Variants in DNAAF5 observed in about 807,000 individuals in gnomAD.
DNAAF5 encodes the protein dynein axonemal assembly factor 5.
Under a neutral mutation model 75.8 loss-of-function variants are expected in DNAAF5, and 64 were observed. The observed-to-expected ratio is 0.84, with a 90% CI of 0.69 to 1.04. The LOEUF (loss-of-function observed/expected upper bound fraction) is 1.04, where lower values mean the gene tolerates loss of function less well. DNAAF5 is among the 50% of genes least tolerant of loss of function. DNAAF5 has a pLI of 0.00. For synonymous variants in DNAAF5, 657 were observed against 557.2 expected, an observed-to-expected ratio of 1.18 and a Z score of -2.52; for missense variants, 1,269 against 1,178.5, an observed-to-expected ratio of 1.08 and a Z score of -1.12.
At position 729,623 on chromosome 7, in the gene DNAAF5, G is replaced by T. The variant is rs1486363485; in HGVS notation, c.596-40G>T. 1.9e-6 allele frequency: 3 copies of T among 1,588,258 alleles called. No individual in the cohort carries two copies. The African/African-American group carries it at 4.0e-5, about 21-fold the overall frequency. On this transcript the variant is annotated intron_variant, in intron 1 of 12. Coordinates refer to ENST00000297440, the MANE Select transcript of DNAAF5 (RefSeq NM_017802.4). ...GCCCACAGAGCTGGGCGAGGCGTGT[G>T]GGAGCAGCTCTGGTAACTGGGGGCC...
intron 12 of DNAAF5, among the ~76,000 whole-genome samples, chr7:783,777 C>T (rs968831973): frequency 1.3e-5 from 2 of 152,122 alleles, no homozygotes; most frequent in African/African-American, 4.8e-5. Flanking sequence ...GCTCTCCTGT[C>T]CTGCACTACA....
At chr7:731,046 G>T (rs531177277) in intron 2 of DNAAF5, among the ~76,000 whole-genome samples, 68 of 152,316 alleles carry the variant, frequency 4.5e-4, no homozygotes, top group African/African-American at 1.6e-3. Context: ...GCAGTTCAAG[G>T]GGCCAGGGCA....
chr7:778,275 G>C (rs1049640706), intron 11 of DNAAF5: 4 of 152,204 alleles, frequency 2.6e-5, no homozygotes, highest in Admixed American at 6.5e-5. Flanking sequence ...GGGCATCTGG[G>C]CCACGGCCCC....
intron 2 of DNAAF5, 104 bp downstream of exon 2, chr7:729,951 G>A (rs1781514400): frequency 4.6e-6 from 5 of 1,079,112 alleles, no homozygotes; most frequent in African/African-American, 1.6e-5. Flanking sequence ...AGTGCTGTAT[G>A]CACCAAATGT....
At position 785,541 on chromosome 7, in the gene DNAAF5, T is replaced by C. The variant is rs1287337441; in HGVS notation, c.2456T>C (p.Leu819Pro). The C allele has an allele frequency of 6.2e-7, 1 of 1,613,674 alleles. No individual in the cohort carries two copies. The highest frequency in any genetic ancestry group is 2.2e-5 in the East Asian group (1 of 44,894). Reference protein sequence around the residue: ...ILEVLKEGSGLFPDLLVRETE... With the variant: ...ILEVLKEGSGPFPDLLVRETE... ...GAGGTCCTCAAAGAGGGCAGCGGGC[T>C]GTTCCCAGATCTCCTGGTGAGGGAG... The change falls in exon 13 of 13, where the codon CTG becomes CCG. Residue 819 changes from leucine (L) to proline (P), a missense_variant. Transcript: ENST00000297440.
At chr7:775,596 AC>A (rs1368841894) in intron 11 of DNAAF5, among the ~76,000 whole-genome samples, 3 of 152,182 alleles carry the variant, frequency 2.0e-5, no homozygotes, top group Non-Finnish European at 4.4e-5. Context: ...ATTTGTACTT[AC>A]ATTTGCATAT....
chr7:763,501 C>T (rs751285456), intron 7 of DNAAF5, among the ~76,000 whole-genome samples: 4 of 152,226 alleles, frequency 2.6e-5, no homozygotes, highest in Non-Finnish European at 5.9e-5. Flanking sequence ...CCCAGGCGGA[C>T]ACCACGTCCG....
chr7:768,822 T>C (rs1778450207), intron 8 of DNAAF5: 1 of 286,734 alleles, frequency 3.5e-6, no homozygotes. Context: ...GCTGTTTTCT[T>C]TTTGTTTTTA....
chr7:732,572 GA>G (rs1562373742), intron 2 of DNAAF5: 1 of 456,118 alleles, frequency 2.2e-6, no homozygotes. Context: ...GGGATGCATG[GA>G]CAGCTTTTCA....
At chr7:767,897 C>G (rs998338288) in intron 8 of DNAAF5, among the ~76,000 whole-genome samples, 3 of 148,748 alleles carry the variant, frequency 2.0e-5, no homozygotes, top group Non-Finnish European at 4.5e-5. Context: ...TGGAAGTGTC[C>G]CTGCTGCAAG....
intron 9 of DNAAF5, 79 bp from the exon 10 acceptor site, chr7:773,969 C>A: frequency 6.5e-7 from 1 of 1,538,802 alleles, no homozygotes; most frequent in South Asian, 1.1e-5. Flanking sequence ...CCCCCTCAGC[C>A]CCATTCATCC....
At chr7:779,253 C>T (rs958323992) in intron 11 of DNAAF5, among the ~76,000 whole-genome samples, 7 of 152,112 alleles carry the variant, frequency 4.6e-5, no homozygotes, top group Non-Finnish European at 7.4e-5. Context: ...GCAGCCGCCC[C>T]TCCCAGCGTC....
Position 741,385 on chromosome 7 carries a change from A to C in DNAAF5, c.944A>C (p.Gln315Pro). The stretch of plus-strand genomic sequence containing the variant: ...AGCCTCTGGGAGGACGTTGGCCTGC[A>C]GTGGCAGAAGGAGAATGAGGAGGAC... ...AASLWEDVGL[Q>P]WQKENEEDLK... The change falls in exon 4 of 13, where the codon CAG (glutamine) becomes CCG (proline). Residue 315 changes from glutamine (Q) to proline (P), a missense_variant. Physicochemically the swap from Gln to Pro is moderately conservative, Grantham distance 76 (BLOSUM62 -1). Coordinates refer to ENST00000297440, the MANE Select transcript of DNAAF5 (RefSeq NM_017802.4). 6.3e-7 allele frequency: 1 copy of C among 1,584,536 alleles called. No individual in the cohort carries two copies.
chr7:761,862 T>C lies in DNAAF5; in HGVS notation c.1580T>C (p.Val527Ala). ...CTCTTGGACGTGCTGCTGACAATAG[T>C]GGCCCTCGCAGGTGCTACCGGCCTG... Reference protein sequence around the residue: ...LQLLDVLLTIVALAGATGLRD... With the variant: ...LQLLDVLLTIAALAGATGLRD... Residue 527 changes from valine to alanine, a missense_variant, in exon 7 of 13, where the codon GTG becomes GCG. Physicochemically the swap from Val to Ala is moderately conservative, Grantham distance 64. Coordinates refer to ENST00000297440, the MANE Select transcript of DNAAF5 (RefSeq NM_017802.4). The C allele has an allele frequency of 2.5e-6, 4 of 1,588,680 alleles. No homozygotes were observed. The highest frequency in any genetic ancestry group is 3.4e-6 in the Non-Finnish European group (4 of 1,167,970).
In DNAAF5 at chr7:726,837, G is replaced by C. The variant is rs1045520098; in HGVS notation, c.117G>C (p.Glu39Asp). 3 of 1,327,900 alleles carry C rather than the reference G, an allele frequency of 2.3e-6. No individual in the cohort carries two copies. The East Asian group carries it at 9.4e-5, about 42-fold the overall frequency. The allele number at this position is 1,327,900 out of a possible 1,614,324, so 82.3% of individuals were successfully genotyped here. A position where few individuals can be genotyped will look rare whatever the true frequency, so the allele number is the denominator to read the frequency against. ...RALSRLLPGL[E>D]ADSKPGRRRA... ...TGAGCCGCCTGCTGCCGGGGCTGGA[G>C]GCCGACAGCAAGCCGGGCCGGCGGC... The change falls in exon 1 of 13, where the codon GAG becomes GAC. Residue 39 changes from glutamate (E) to aspartate (D), a missense_variant. By Grantham distance (45) the Glu-to-Asp change is conservative. Transcript: ENST00000297440.
rs577518583 is a variant in DNAAF5 at position 730,215 on chromosome 7, CG to C, written c.780+372del. 5.3e-4 allele frequency among the ~76,000 whole-genome samples: 80 copies of C among 152,056 alleles called. No homozygotes were observed. In the East Asian group the frequency reaches 9.3e-3, roughly 18 times the overall value. ...ACCTGGACTGGGAGAAGAGTGGAGT[CG>C]GGGTTGGTTTGTTGGGGATAATTAT... On this transcript the variant is annotated intron_variant, in intron 2 of 12. Transcript: ENST00000297440.
Position 727,163 on chromosome 7 carries a change from TG to T in DNAAF5, c.444del (p.Leu149TrpfsTer60). On this transcript the variant is annotated frameshift_variant, in exon 1 of 13. Transcript: ENST00000297440. LOFTEE classifies it high-confidence loss of function. Reference sequence around the variant, plus strand: ...GAGCTGCGCCTGGCGCTTGTGCAGCTGCTGGGCCTGGCCGTGGACCTGTGCG... The same window carrying T: ...GAGCTGCGCCTGGCGCTTGTGCAGCTCTGGGCCTGGCCGTGGACCTGTGCG... Reference protein sequence around the residue: ...CEELRLALVQLLGLAVDLCGA... With the variant: ...CEELRLALVQXLGLAVDLCGA... 1 of 1,303,892 alleles carries T rather than the reference TG, an allele frequency of 7.7e-7. No individual in the cohort carries two copies. The highest frequency in any genetic ancestry group is 3.6e-5 in the East Asian group (1 of 28,152). The allele number at this position is 1,303,892 out of a possible 1,614,324, so 80.8% of individuals were successfully genotyped here.
chr7:731,429 T>C (rs1781559311), intron 2 of DNAAF5, among the ~76,000 whole-genome samples: 1 of 152,226 alleles, frequency 6.6e-6, no homozygotes, highest in Admixed American at 6.5e-5. Context: ...AGTATAACTA[T>C]ACCGTAACTC....
intron 2 of DNAAF5, among the ~76,000 whole-genome samples, chr7:736,231 A>G (rs552793536): frequency 5.9e-5 from 9 of 152,352 alleles, no homozygotes; most frequent in South Asian, 2.1e-4. Flanking sequence ...CATTAGATCT[A>G]TAGTACAGAT....
Sources: gnomAD v4.1 joint callset for allele counts (sites outside exome capture counted in the v4.1 genomes callset) on GRCh38, gnomAD v4.1.1 for gene constraint, MANE v1.5 for transcripts, NCBI Gene and HGNC (gene_info 2026-07-23, HGNC 2026-07-21) for gene names.